The following ASTN2 variants were observed in gnomAD, a reference collection of about 807,000 sequenced individuals.
ASTN2 encodes astrotactin 2, also known as astrotactin-2.
ASTN2 carries 54 observed loss-of-function variants against 139.8 expected under a neutral mutation model. That is an observed-to-expected ratio of 0.39 (90% CI 0.31 to 0.48). ASTN2 has a LOEUF of 0.48. ASTN2 is among the 20% of genes least tolerant of loss of function. ASTN2 has a pLI of 0.95. For missense variants in ASTN2, 1,565 were observed against 1,725.1 expected (o/e 0.91, Z 1.64); for synonymous variants, 756 against 719.5 (o/e 1.05, Z -0.81).
intron 19 of ASTN2, among the ~76,000 whole-genome samples, chr9:116,570,493 T>C (rs1853457521): frequency 6.6e-6 from 1 of 152,138 alleles, no homozygotes; most frequent in Non-Finnish European, 1.5e-5. Flanking sequence ...CCTCCCAGGT[T>C]CATGCCTTTC....
intron 16 of ASTN2, among the ~76,000 whole-genome samples, chr9:116,707,738 T>C (rs1828031337): frequency 6.6e-6 from 1 of 152,186 alleles, no homozygotes; most frequent in African/African-American, 2.4e-5. Flanking sequence ...CGAATTAACT[T>C]TTAACATTTG....
At chr9:117,121,135 C>T (rs1379248174) in intron 4 of ASTN2, among the ~76,000 whole-genome samples, 2 of 152,316 alleles carry the variant, frequency 1.3e-5, no homozygotes, top group African/African-American at 4.8e-5. Context: ...TGTGGTCTTG[C>T]CCCAGGGCTT....
intron 13 of ASTN2, among the ~76,000 whole-genome samples, chr9:116,754,078 T>G (rs1829474623): frequency 6.6e-6 from 1 of 151,844 alleles, no homozygotes; most frequent in African/African-American, 2.4e-5. Flanking sequence ...TTTCTGTTCT[T>G]GTGTTAATTT....
intron 3 of ASTN2, among the ~76,000 whole-genome samples, chr9:117,171,179 GA>G (rs1309569139): frequency 1.3e-5 from 2 of 151,968 alleles, no homozygotes; most frequent in African/African-American, 4.8e-5. Context: ...GAAAAGAAAA[GA>G]AAAAATATTA....
At chr9:116,580,109 C>T (rs752692808) in intron 19 of ASTN2, among the ~76,000 whole-genome samples, 4 of 152,172 alleles carry the variant, frequency 2.6e-5, no homozygotes, top group Admixed American at 6.5e-5. Context: ...CGTGAGCCCC[C>T]GCACCCGGCC....
intron 6 of ASTN2, among the ~76,000 whole-genome samples, chr9:117,028,272 G>C (rs927764581): frequency 5.9e-5 from 9 of 152,284 alleles, no homozygotes; most frequent in African/African-American, 2.2e-4. Context: ...AGATGCCCCA[G>C]CCATTAGCTG....
chr9:116,817,323 G>T (rs1831359490), intron 12 of ASTN2, among the ~76,000 whole-genome samples: 1 of 36,950 alleles, frequency 2.7e-5, no homozygotes, highest in Non-Finnish European at 5.0e-5. Flanking sequence ...AGAAAGAATG[G>T]GTATTAATTA....
At chr9:116,614,962 G>A (rs989698747) in intron 19 of ASTN2, among the ~76,000 whole-genome samples, 1 of 152,138 alleles carries the variant, frequency 6.6e-6, no homozygotes, top group Non-Finnish European at 1.5e-5. Context: ...GAAAATTTTT[G>A]CAATCTACTC....
At chr9:117,150,663 AT>A (rs1830308192) in intron 3 of ASTN2, among the ~76,000 whole-genome samples, 1 of 152,184 alleles carries the variant, frequency 6.6e-6, no homozygotes. Flanking sequence ...ATTAACTGAG[AT>A]GCTAAATGCA....
chr9:117,412,232 G>A (rs1407732079), intron 1 of ASTN2, among the ~76,000 whole-genome samples: 2 of 152,078 alleles, frequency 1.3e-5, no homozygotes, highest in Non-Finnish European at 2.9e-5. Context: ...GGGCGCTAGG[G>A]GGAAAAGGAG....
At chr9:117,196,496 T>C (rs1320670782) in intron 3 of ASTN2, among the ~76,000 whole-genome samples, 1 of 152,166 alleles carries the variant, frequency 6.6e-6, no homozygotes, top group African/African-American at 2.4e-5. Context: ...TTTCTTGGAC[T>C]GGGATCCTGA....
intron 10 of ASTN2, among the ~76,000 whole-genome samples, chr9:116,907,165 C>T (rs575897058): frequency 9.2e-5 from 14 of 152,252 alleles, no homozygotes; most frequent in African/African-American, 3.1e-4. Flanking sequence ...AAGTGTGAAA[C>T]GTGGAGTAGG....
intron 1 of ASTN2, among the ~76,000 whole-genome samples, chr9:117,315,754 T>C (rs1000339254): frequency 3.3e-5 from 5 of 152,202 alleles, no homozygotes; most frequent in Non-Finnish European, 5.9e-5. Context: ...CTGATTCTCG[T>C]TGAGATTCAT....
intron 12 of ASTN2, among the ~76,000 whole-genome samples, chr9:116,816,820 G>T (rs1344895675): frequency 1.3e-5 from 2 of 151,848 alleles, no homozygotes; most frequent in African/African-American, 4.8e-5. Context: ...GTCTCCAAGA[G>T]ATGTCAAGAT....
chr9:117,062,628 C>A (rs1414854248), intron 5 of ASTN2, among the ~76,000 whole-genome samples: 1 of 152,104 alleles, frequency 6.6e-6, no homozygotes, highest in African/African-American at 2.4e-5. Flanking sequence ...CTGCAACAAG[C>A]CCTTAGCCAT....
At chr9:116,814,921 C>A (rs7034913) in intron 12 of ASTN2, among the ~76,000 whole-genome samples, 37,028 of 152,130 alleles carry the variant, frequency 0.24, 4,853 homozygotes, top group East Asian at 0.49. Context: ...TACACCTGAG[C>A]TTTTACAAAT....
rs140063447 is a variant in ASTN2 at position 117,268,869 on chromosome 9, G to A, written c.630+22457C>T. 1.1e-4 allele frequency among the ~76,000 whole-genome samples: 16 copies of A among 152,190 alleles called. No individual in the cohort carries two copies. The East Asian group carries it at 2.7e-3, about 26-fold the overall frequency. Reference sequence around the variant, plus strand: ...TCTGTTGACCAAATCACAATTCCAGGGGTCTAACAAAAAACTTGACACATG... The same window carrying A: ...TCTGTTGACCAAATCACAATTCCAGAGGTCTAACAAAAAACTTGACACATG... On this transcript the variant is annotated intron_variant, in intron 2 of 22. Coordinates refer to ENST00000313400, the MANE Select transcript of ASTN2 (RefSeq NM_001365068.1).
Position 117,414,922 on chromosome 9 carries a change from G to C in ASTN2, c.17C>G (p.Ala6Gly). MAAAGARLSPGPGSGL... is the reference protein window; with the variant it reads MAAAGGRLSPGPGSGL... ...CGAGCCGGGGCCGGGGCTGAGCCGG[G>C]CGCCGGCGGCGGCCATGGCGGGAGG... The change falls in exon 1 of 23, where the codon GCC becomes GGC. Residue 6 changes from alanine to glycine, a missense_variant. Ala to Gly is a moderately conservative substitution (Grantham distance 60). Around this residue, in one of 4 missense-constraint regions of ASTN2, gnomAD observed 596 missense variants for 576.8 expected, o/e 1.03. Transcript: ENST00000313400. The surrounding 1 kb of genome is among the most constrained non-coding windows in gnomAD (Gnocchi z 4.2). 1 of 480,868 alleles carries C rather than the reference G, an allele frequency of 2.1e-6. No homozygotes were observed. The highest frequency in any genetic ancestry group is 2.9e-6 in the Non-Finnish European group (1 of 348,002). 29.8% of individuals were successfully genotyped at this position (480,868 alleles called of 1,614,324 possible).
chr9:116,772,132 C>A (rs531586972), intron 13 of ASTN2, among the ~76,000 whole-genome samples: 1 of 152,358 alleles, frequency 6.6e-6, no homozygotes, highest in South Asian at 2.1e-4. Context: ...AATTAGAGAA[C>A]TGCAAATGCA....
Sources: allele counts gnomAD v4.1 joint callset (sites outside exome capture counted in the v4.1 genomes callset), GRCh38; gene constraint gnomAD v4.1.1; regional missense constraint gnomAD v4.1.1; non-coding constraint Gnocchi (gnomAD v3.1); transcripts MANE v1.5; gene names NCBI Gene and HGNC (gene_info 2026-07-23, HGNC 2026-07-21).